RTL4: variants seen among roughly 807,000 people sequenced by gnomAD.
The protein encoded by RTL4 is retrotransposon Gag like 4, also known as retrotransposon Gag-like protein 4.
A neutral mutation model predicts 5.3 loss-of-function variants in RTL4; 4 were observed. The observed-to-expected ratio is 0.75, with a 90% CI of 0.37 to 1.72. RTL4 has a LOEUF of 1.72. Among genes scored for constraint, RTL4 ranks in the 40% most tolerant of loss-of-function variants. The probability of loss-of-function intolerance (pLI) is 0.04; values close to 1 mark genes in which losing one functional copy is unlikely to be tolerated. For synonymous variants in RTL4, 98 were observed against 87.3 expected (o/e 1.12, Z -0.68); for missense variants, 260 against 227.1 (o/e 1.14, Z -0.93).
chrX:112,329,231 G>C, the RTL4 span, among the ~76,000 whole-genome samples: 1 of 110,890 alleles, frequency 9.0e-6, no homozygotes, highest in Admixed American at 9.6e-5. Flanking sequence ...CTGGTTTTTT[G>C]AAAGGATCAA....
At chrX:112,175,174 C>T in the RTL4 span, among the ~76,000 whole-genome samples, 11 of 105,956 alleles carry the variant, frequency 1.0e-4, no homozygotes, top group Admixed American at 3.1e-4. Context: ...TCCTGAATGG[C>T]AATGCCTAGG....
At chrX:112,127,732 A>T in the RTL4 span, among the ~76,000 whole-genome samples, 1 of 112,282 alleles carries the variant, frequency 8.9e-6, no homozygotes, top group Non-Finnish European at 1.9e-5. Context: ...AAAGTTTCAG[A>T]GCACAAAATC....
At chrX:112,191,396 C>T in the RTL4 span, among the ~76,000 whole-genome samples, 3 of 111,463 alleles carry the variant, frequency 2.7e-5, no homozygotes, top group African/African-American at 9.8e-5. Context: ...TCCTGAAAGC[C>T]CTTTTCTTGC....
the RTL4 span, among the ~76,000 whole-genome samples, chrX:112,441,379 G>A: frequency 4.5e-5 from 5 of 111,256 alleles, no homozygotes; most frequent in South Asian, 3.8e-4. Context: ...CCCTACCCCC[G>A]ATTAAGCTTT....
the RTL4 span, among the ~76,000 whole-genome samples, chrX:112,396,481 G>T: frequency 2.2e-4 from 24 of 110,908 alleles, no homozygotes; most frequent in Non-Finnish European, 3.6e-4. Flanking sequence ...TGGTGTTCTT[G>T]TTGTGGGGGT....
chrX:112,386,177 G>A, the RTL4 span, among the ~76,000 whole-genome samples: 2 of 111,783 alleles, frequency 1.8e-5, no homozygotes, highest in Non-Finnish European at 3.8e-5. Flanking sequence ...ATTCATGCAT[G>A]CAATGCATAA....
the RTL4 span, among the ~76,000 whole-genome samples, chrX:112,307,614 A>G: frequency 9.0e-6 from 1 of 110,540 alleles, no homozygotes; most frequent in Non-Finnish European, 1.9e-5. Context: ...ATATTTTTAA[A>G]TCTCTCTCAT....
the RTL4 span, among the ~76,000 whole-genome samples, chrX:112,402,400 T>TTGTGTGTGTGTGTGTGTG: frequency 1.1e-5 from 1 of 87,421 alleles, no homozygotes; most frequent in South Asian, 6.9e-4. Flanking sequence ...GGAATTATTA[T>TTGTGTGTGTGTGTGTGTG]TGTGTGTGTG....
At chrX:112,301,066 G>A in the RTL4 span, among the ~76,000 whole-genome samples, 25,878 of 110,476 alleles carry the variant, frequency 0.23, 2,431 homozygotes, top group Admixed American at 0.34. Flanking sequence ...TCAATACGGA[G>A]GGGCAATAGG....
At chrX:112,378,358 T>C in the RTL4 span, among the ~76,000 whole-genome samples, 1 of 111,610 alleles carries the variant, frequency 9.0e-6, no homozygotes, top group Non-Finnish European at 1.9e-5. Context: ...ACACACTGAG[T>C]CATTCACTCT....
chrX:112,390,955 A>G, the RTL4 span, among the ~76,000 whole-genome samples: 1,417 of 111,895 alleles, frequency 0.013, 18 homozygotes, highest in African/African-American at 0.036. Flanking sequence ...AAGGGTGCCA[A>G]TGATTTGTAT....
chrX:112,193,043 T>A, the RTL4 span, among the ~76,000 whole-genome samples: 1 of 112,031 alleles, frequency 8.9e-6, no homozygotes. Flanking sequence ...GGTTGACAGG[T>A]TTTTTATTCG....
the RTL4 span, among the ~76,000 whole-genome samples, chrX:112,260,085 A>G: frequency 9.0e-6 from 1 of 111,445 alleles, no homozygotes; most frequent in Non-Finnish European, 1.9e-5. Context: ...TCAATTTTTG[A>G]TCCCCTTTGG....
At chrX:112,439,903 C>T in the RTL4 span, among the ~76,000 whole-genome samples, 2 of 111,738 alleles carry the variant, frequency 1.8e-5, no homozygotes, top group Non-Finnish European at 3.8e-5. Flanking sequence ...GTACAGTTTG[C>T]AGAACCATGA....
chrX:112,347,484 TACTCACCA>T, the RTL4 span, among the ~76,000 whole-genome samples: 4 of 111,156 alleles, frequency 3.6e-5, no homozygotes, highest in Non-Finnish European at 7.6e-5. Flanking sequence ...AAACTTGACC[TACTCACCA>T]ATTATTCCAA....
the RTL4 span, among the ~76,000 whole-genome samples, chrX:112,415,299 A>T: frequency 1.8e-5 from 2 of 111,126 alleles, no homozygotes; most frequent in East Asian, 2.8e-4. Context: ...GTTTTGAATC[A>T]TAGAGTGGGT....
At chrX:112,354,213 T>C in the RTL4 span, among the ~76,000 whole-genome samples, 2 of 111,209 alleles carry the variant, frequency 1.8e-5, no homozygotes, top group Admixed American at 1.9e-4. Context: ...CATTATAGTA[T>C]AGGACATGGA....
the RTL4 span, among the ~76,000 whole-genome samples, chrX:112,129,274 T>C: frequency 8.9e-6 from 1 of 111,827 alleles, no homozygotes; most frequent in Non-Finnish European, 1.9e-5. Context: ...CATTTTTTAA[T>C]ACAGTTGGCA....
chrX:112,111,887 C>T, the RTL4 span, among the ~76,000 whole-genome samples: 279 of 111,950 alleles, frequency 2.5e-3, 3 homozygotes, highest in African/African-American at 8.8e-3. Flanking sequence ...GGTTCTCTAT[C>T]CTCTGGGAGA....
Sources: allele counts gnomAD v4.1 joint callset (sites outside exome capture counted in the v4.1 genomes callset), GRCh38; gene constraint gnomAD v4.1.1; transcripts MANE v1.5; gene names NCBI Gene and HGNC (gene_info 2026-07-23, HGNC 2026-07-21).